Variants in LIMK1 observed in about 807,000 individuals in gnomAD.
LIMK1 encodes LIM domain kinase 1.
Under a neutral mutation model 77.6 loss-of-function variants are expected in LIMK1, and 21 were observed. That is an observed-to-expected ratio of 0.27 (90% CI 0.19 to 0.39). The LOEUF (loss-of-function observed/expected upper bound fraction) is 0.39. LIMK1 is among the 10% of genes least tolerant of loss of function. The probability of loss-of-function intolerance (pLI) is 1.00; values close to 1 mark genes in which losing one functional copy is unlikely to be tolerated. For synonymous variants in LIMK1, 358 were observed against 370.0 expected (o/e 0.97, Z 0.37); for missense variants, 696 against 901.6 (o/e 0.77, Z 2.92).
intron 1 of LIMK1, among the ~76,000 whole-genome samples, chr7:74,084,707 C>T (rs1799099302): frequency 6.6e-6 from 1 of 152,174 alleles, no homozygotes. Flanking sequence ...TCCTCTTTAG[C>T]CCCTTCTCCC....
At position 74,111,686 on chromosome 7, in the gene LIMK1, C is replaced by G. The variant is rs782605729; in HGVS notation, c.1323C>G (p.Ala441=). 1.2e-6 allele frequency: 2 copies of G among 1,613,272 alleles called. No homozygotes were observed. Among genetic ancestry groups the G allele is most frequent in the East Asian group, 4.5e-5 (2 of 44,860 alleles). The change falls in exon 11 of 16, where the codon GCC becomes GCG. Residue 441 remains alanine (A), a synonymous_variant. Coordinates refer to ENST00000336180, the MANE Select transcript of LIMK1 (RefSeq NM_002314.4). ...QYPWSQRVSF[A]KDIASGMAYL... is the part of the protein sequence containing the mutation. ...CATGGAGCCAGAGAGTGAGCTTTGC[C>G]AAGGACATCGCATCAGGGATGGTGA...
intron 10 of LIMK1, chr7:74,109,763 T>C (rs1041595046): frequency 1.3e-5 from 2 of 152,584 alleles, no homozygotes; most frequent in Non-Finnish European, 1.5e-5. Context: ...GAGAATGGCG[T>C]TGAACCCAGG....
rs567677219 is a variant in LIMK1 at position 74,120,954 on chromosome 7, C to T, written c.1686C>T (p.Asn562=). The change falls in exon 15 of 16, where the codon AAC becomes AAT. Residue 562 remains asparagine (N), a synonymous_variant. Coordinates refer to ENST00000336180, the MANE Select transcript of LIMK1 (RefSeq NM_002314.4). ...CCCGCACCATGGACTTTGGCCTCAACGTGCGAGGATTCCTGGACCGCTACT... is the reference window on the plus strand; with the variant it reads ...CCCGCACCATGGACTTTGGCCTCAATGTGCGAGGATTCCTGGACCGCTACT... ...YLPRTMDFGL[N]VRGFLDRYCP... is the part of the protein sequence containing the mutation. The T allele has an allele frequency of 5.9e-5, 96 of 1,614,116 alleles. No individual in the cohort carries two copies. Among genetic ancestry groups the T allele is most frequent in the South Asian group, 4.7e-4 (43 of 91,082 alleles).
At chr7:74,086,993 C>A (rs987428563) in intron 2 of LIMK1, among the ~76,000 whole-genome samples, 1 of 152,054 alleles carries the variant, frequency 6.6e-6, no homozygotes, top group African/African-American at 2.4e-5. Flanking sequence ...TACATGAGGA[C>A]CTGAAGGTCA....
In LIMK1 at chr7:74,099,081, C is replaced by G; in HGVS notation, c.451C>G (p.Leu151Val). The change falls in exon 5 of 16, where the codon CTG (leucine) becomes GTG (valine). Residue 151 changes from leucine (L) to valine (V), a missense_variant. Around this residue, in one of 3 missense-constraint regions of LIMK1, gnomAD observed 252 missense variants for 279.4 expected, o/e 0.90. Transcript: ENST00000336180. ...TVVTPVIEQI[L>V]PDSPGSHLPH... ...GGTGACCCCCGTCATCGAGCAGATC[C>G]TGCCTGACTCCCCTGGCTCCCACCT... 1 of 1,613,362 alleles carries G rather than the reference C, an allele frequency of 6.2e-7. No individual in the cohort carries two copies. Among genetic ancestry groups the G allele is most frequent in the Non-Finnish European group, 8.5e-7 (1 of 1,179,992 alleles).
chr7:74,093,375 C>G, intron 2 of LIMK1: 2 of 1,506,166 alleles, frequency 1.3e-6, no homozygotes, highest in Admixed American at 2.0e-5. Flanking sequence ...GGCTGGAAGC[C>G]GACCCACCTA....
At chr7:74,102,529 G>A (rs1384315224) in intron 5 of LIMK1, among the ~76,000 whole-genome samples, 2 of 90,126 alleles carry the variant, frequency 2.2e-5, no homozygotes, top group African/African-American at 3.8e-5. Context: ...TGTCATTGAG[G>A]CTGGAGTGCA....
rs148990695 is a variant in LIMK1, at chr7:74,107,103, C to T, written c.975C>T (p.Arg325=). 2.1e-5 allele frequency: 34 copies of T among 1,612,308 alleles called. No individual in the cohort carries two copies. The African/African-American group carries it at 2.4e-4, about 11-fold the overall frequency. Residue 325 remains arginine (R), a synonymous_variant, in exon 8 of 16, where the codon CGC becomes CGT. Transcript: ENST00000336180. ...ACCTGGGTCGCTCTGAGTCCCTCCGCGTAGTCTGCCGGCCACACCGCATCT... is the reference window on the plus strand; with the variant it reads ...ACCTGGGTCGCTCTGAGTCCCTCCGTGTAGTCTGCCGGCCACACCGCATCT... ...RKDLGRSESL[R]VVCRPHRIFR...
chr7:74,105,305 T>C (rs1201297277), intron 5 of LIMK1, among the ~76,000 whole-genome samples: 1 of 151,764 alleles, frequency 6.6e-6, no homozygotes, highest in African/African-American at 2.4e-5. Context: ...AGCTCAGGAG[T>C]TCGAGACCAG....
intron 5 of LIMK1, among the ~76,000 whole-genome samples, chr7:74,101,518 TGAA>T (rs1799457858): frequency 6.6e-6 from 1 of 152,078 alleles, no homozygotes. Context: ...AAAATAAAAA[TGAA>T]GAAGACAGTT....
chr7:74,092,392 C>A (rs1400394971), intron 2 of LIMK1, among the ~76,000 whole-genome samples: 1 of 152,168 alleles, frequency 6.6e-6, no homozygotes, highest in Non-Finnish European at 1.5e-5. Context: ...TGGGGGCCTG[C>A]AGGCTGCTGG....
intron 8 of LIMK1, among the ~76,000 whole-genome samples, chr7:74,107,527 T>G (rs1298770637): frequency 1.3e-5 from 2 of 151,760 alleles, no homozygotes; most frequent in African/African-American, 4.8e-5. Flanking sequence ...TACAAAAAAT[T>G]TAAAAATTAA....
chr7:74,084,100 G>A (rs1799083610), intron 1 of LIMK1, 55 bp downstream of exon 1: 1 of 1,057,578 alleles, frequency 9.5e-7, no homozygotes, highest in Non-Finnish European at 1.3e-6. Context: ...CCGGGGCAGC[G>A]TGGGGCACGG....
intron 9 of LIMK1, among the ~76,000 whole-genome samples, chr7:74,108,194 C>A (rs1237322892): frequency 6.6e-6 from 1 of 151,642 alleles, no homozygotes; most frequent in Non-Finnish European, 1.5e-5. Context: ...TTAAATTAAC[C>A]GAGCTTGGCA....
intron 8 of LIMK1, 123 bp downstream of exon 8, chr7:74,107,316 C>T: frequency 3.7e-6 from 4 of 1,067,018 alleles, no homozygotes; most frequent in Non-Finnish European, 3.9e-6. Flanking sequence ...GGCCAGTGCC[C>T]TCTCCTCCCT....
chr7:74,119,886 C>T (rs185182117), intron 13 of LIMK1, among the ~76,000 whole-genome samples: 1 of 152,178 alleles, frequency 6.6e-6, no homozygotes, highest in African/African-American at 2.4e-5. Flanking sequence ...CTTGCCTGGA[C>T]AACAAAGCAA....
At position 74,121,366 on chromosome 7, in the gene LIMK1, C is replaced by A. The variant is rs1009495404; in HGVS notation, c.*65C>A. ...AATCCACCCCCACCAGATTCCTCCGCGGGAGGTGGCCCTCAGCTGGGACAG... is the reference window on the plus strand; with the variant it reads ...AATCCACCCCCACCAGATTCCTCCGAGGGAGGTGGCCCTCAGCTGGGACAG... On this transcript the variant is annotated 3_prime_UTR_variant, in exon 16 of 16. Coordinates refer to ENST00000336180, the MANE Select transcript of LIMK1 (RefSeq NM_002314.4). 15 of 1,421,902 alleles carry A rather than the reference C, an allele frequency of 1.1e-5. No individual in the cohort carries two copies. Among genetic ancestry groups the A allele is most frequent in the Middle Eastern group, 2.2e-4 (1 of 4,608 alleles). 88.1% of individuals were successfully genotyped at this position (1,421,902 alleles called of 1,614,324 possible).
At chr7:74,084,981 T>C (rs1799108057) in intron 1 of LIMK1, among the ~76,000 whole-genome samples, 1 of 152,162 alleles carries the variant, frequency 6.6e-6, no homozygotes. Context: ...AGGGTCAGGC[T>C]GTTGTGGCCT....
At chr7:74,120,428 G>A (rs1799907142) in intron 13 of LIMK1, among the ~76,000 whole-genome samples, 155 bp from the exon 14 acceptor site, 1 of 152,168 alleles carries the variant, frequency 6.6e-6, no homozygotes, top group Non-Finnish European at 1.5e-5. Flanking sequence ...GGGGGAAAGA[G>A]CCTAAGCCTG....
Sources: gnomAD v4.1 joint callset for allele counts (sites outside exome capture counted in the v4.1 genomes callset) on GRCh38, gnomAD v4.1.1 for gene constraint, gnomAD v4.1.1 regional missense constraint, MANE v1.5 for transcripts, NCBI Gene and HGNC (gene_info 2026-07-23, HGNC 2026-07-21) for gene names.